Variants in PPM1L observed in about 807,000 individuals in gnomAD.
PPM1L encodes the protein protein phosphatase, Mg2+/Mn2+ dependent 1L, also known as protein phosphatase 1L.
PPM1L carries 13 observed loss-of-function variants against 31.4 expected under a neutral mutation model. The observed-to-expected ratio is 0.41, with a 90% CI of 0.27 to 0.66. The LOEUF (loss-of-function observed/expected upper bound fraction) is 0.66, where lower values mean the gene tolerates loss of function less well. Ranked by LOEUF, PPM1L falls within the 30% of genes least tolerant of loss-of-function variation. The pLI, the probability that PPM1L is intolerant of heterozygous loss-of-function variation, is 0.29. For missense variants in PPM1L, 326 were observed against 453.7 expected (o/e 0.72, Z 2.56); for synonymous variants, 184 against 175.4 (o/e 1.05, Z -0.39).
At chr3:160,807,533 T>G (rs909484154) in intron 1 of PPM1L, among the ~76,000 whole-genome samples, 2 of 152,216 alleles carry the variant, frequency 1.3e-5, no homozygotes, top group Admixed American at 6.5e-5. Flanking sequence ...TGTTTTATAT[T>G]GGGACCACTA....
At chr3:160,817,280 A>G (rs1270699277) in intron 1 of PPM1L, among the ~76,000 whole-genome samples, 1 of 152,058 alleles carries the variant, frequency 6.6e-6, no homozygotes. Context: ...GTTTTTGGCT[A>G]AGTGAATGAC....
chr3:160,919,169 A>G (rs988114924), intron 1 of PPM1L, among the ~76,000 whole-genome samples: 2 of 152,228 alleles, frequency 1.3e-5, no homozygotes, highest in African/African-American at 2.4e-5. Context: ...CACTAAATAC[A>G]TGAAGTGTTG....
At chr3:161,002,675 T>G (rs1452650923) in intron 2 of PPM1L, among the ~76,000 whole-genome samples, 1 of 140,970 alleles carries the variant, frequency 7.1e-6, no homozygotes, top group Non-Finnish European at 1.5e-5. Flanking sequence ...GCCCACTTTT[T>G]GATGGGGTTG....
intron 1 of PPM1L, among the ~76,000 whole-genome samples, chr3:160,843,174 A>T (rs1713945545): frequency 6.6e-6 from 1 of 151,734 alleles, no homozygotes; most frequent in Non-Finnish European, 1.5e-5. Flanking sequence ...TTATTTCTTG[A>T]AGGAGAAGCT....
intron 1 of PPM1L, among the ~76,000 whole-genome samples, chr3:160,824,150 A>C (rs899706055): frequency 6.6e-6 from 1 of 152,074 alleles, no homozygotes; most frequent in Non-Finnish European, 1.5e-5. Flanking sequence ...CGGAGTGTGG[A>C]ACTGTCATGA....
chr3:160,837,397 A>G (rs1713752686), intron 1 of PPM1L, among the ~76,000 whole-genome samples: 1 of 152,220 alleles, frequency 6.6e-6, no homozygotes, highest in South Asian at 2.1e-4. Flanking sequence ...TGAGTTTGTA[A>G]AGACAGATAA....
rs1720016943 is a variant in PPM1L, at chr3:161,073,801, T to G, written c.*4644T>G. 6.6e-6 allele frequency: 1 copy of G among 152,214 alleles called. No individual in the cohort carries two copies. Among genetic ancestry groups the G allele is most frequent in the Non-Finnish European group, 1.5e-5 (1 of 68,096 alleles). The allele number at this position is 152,214 out of a possible 1,614,324, so 9.4% of individuals were successfully genotyped here. A position where few individuals can be genotyped will look rare whatever the true frequency, so the allele number is the denominator to read the frequency against. On this transcript the variant is annotated 3_prime_UTR_variant, in exon 4 of 4. Coordinates refer to ENST00000498165, the MANE Select transcript of PPM1L (RefSeq NM_139245.4). Reference sequence around the variant, plus strand: ...TGGTCTTGATATCCTGACCTTGTAATCCACCAGCCTTGGCCTCCCAAAGTG... The same window carrying G: ...TGGTCTTGATATCCTGACCTTGTAAGCCACCAGCCTTGGCCTCCCAAAGTG...
intron 1 of PPM1L, among the ~76,000 whole-genome samples, chr3:160,841,925 T>G (rs533107014): frequency 3.9e-5 from 6 of 152,324 alleles, no homozygotes; most frequent in South Asian, 2.1e-4. Flanking sequence ...GCTTTAAAAT[T>G]TATTAGCTGA....
At chr3:160,869,719 T>A (rs1158268320) in intron 1 of PPM1L, among the ~76,000 whole-genome samples, 4 of 10,294 alleles carry the variant, frequency 3.9e-4, no homozygotes. Context: ...GTGCAATGTA[T>A]GTGTGTGTGT....
chr3:160,799,064 T>G (rs1712345989), intron 1 of PPM1L, among the ~76,000 whole-genome samples: 1 of 152,186 alleles, frequency 6.6e-6, no homozygotes, highest in Non-Finnish European at 1.5e-5. Flanking sequence ...CAAACTTTAG[T>G]AGATGAGGAG....
At position 160,863,140 on chromosome 3, in the gene PPM1L, A is replaced by T. The variant is rs146807267; in HGVS notation, c.400-98596A>T. Among the ~76,000 whole-genome samples the T allele has an allele frequency of 5.8e-3, 877 of 152,328 alleles. 6 individuals are homozygous for T. The highest frequency in any genetic ancestry group is 0.01 in the Non-Finnish European group (704 of 68,020). On this transcript the variant is annotated intron_variant, in intron 1 of 3. Transcript: ENST00000498165. ...TCCAAAACGTGTCATGTATTTTGTC[A>T]TATATATGACAAATATAAATTGGAA... is the stretch of plus-strand genomic sequence containing the variant.
intron 1 of PPM1L, among the ~76,000 whole-genome samples, chr3:160,899,782 C>T (rs111911108): frequency 3.9e-5 from 6 of 151,966 alleles, no homozygotes; most frequent in African/African-American, 1.5e-4. Flanking sequence ...TCTATGTGGC[C>T]TGTGAAATGA....
intron 1 of PPM1L, among the ~76,000 whole-genome samples, chr3:160,896,949 T>G (rs1267423099): frequency 6.6e-6 from 1 of 152,152 alleles, no homozygotes; most frequent in Non-Finnish European, 1.5e-5. Flanking sequence ...AGATTTAGTG[T>G]GTGTCTTTCC....
chr3:160,973,775 T>TGTTTTTG (rs1327895556), intron 2 of PPM1L, among the ~76,000 whole-genome samples: 2 of 49,596 alleles, frequency 4.0e-5, no homozygotes, highest in African/African-American at 1.8e-4. Context: ...TTTTTTTTTT[T>TGTTTTTG]TTTTTTTTTT....
chr3:160,947,963 C>G (rs989279069), intron 1 of PPM1L, among the ~76,000 whole-genome samples: 1 of 152,154 alleles, frequency 6.6e-6, no homozygotes, highest in Non-Finnish European at 1.5e-5. Flanking sequence ...ACCCAAAATT[C>G]TAATCGCACC....
chr3:161,056,790 G>A (rs554364337), intron 2 of PPM1L, among the ~76,000 whole-genome samples: 3 of 152,118 alleles, frequency 2.0e-5, no homozygotes, highest in Non-Finnish European at 4.4e-5. Flanking sequence ...GGGCCGGCAC[G>A]TTGGCTCACC....
chr3:160,963,147 A>G (rs1716019452), intron 2 of PPM1L, among the ~76,000 whole-genome samples: 1 of 152,134 alleles, frequency 6.6e-6, no homozygotes, highest in Non-Finnish European at 1.5e-5. Context: ...AGCATCTTAT[A>G]GATCATAGAA....
At chr3:160,879,483 G>A (rs1712630472) in intron 1 of PPM1L, among the ~76,000 whole-genome samples, 1 of 152,120 alleles carries the variant, frequency 6.6e-6, no homozygotes, top group African/African-American at 2.4e-5. Flanking sequence ...TGCTCATTAT[G>A]TTTTCTTTTT....
chr3:160,862,047 A>G (rs573151357), intron 1 of PPM1L, among the ~76,000 whole-genome samples: 2 of 152,250 alleles, frequency 1.3e-5, no homozygotes, highest in African/African-American at 4.8e-5. Flanking sequence ...TTTGCCATGT[A>G]AGGTAATGTA....
Sources: allele counts gnomAD v4.1 joint callset (sites outside exome capture counted in the v4.1 genomes callset), GRCh38; gene constraint gnomAD v4.1.1; transcripts MANE v1.5; gene names NCBI Gene and HGNC (gene_info 2026-07-23, HGNC 2026-07-21).